Variants in TNRC18 observed in about 807,000 individuals in gnomAD.
TNRC18 encodes the protein trinucleotide repeat containing 18.
TNRC18 carries 69 observed loss-of-function variants against 226.7 expected under a neutral mutation model. That is an observed-to-expected ratio of 0.30 (90% CI 0.25 to 0.37). TNRC18 has a LOEUF of 0.37. TNRC18 is among the 10% of genes least tolerant of loss of function. The pLI is 1.00. For synonymous variants in TNRC18, 2,449 were observed against 1,927.6 expected (o/e 1.27, Z -7.09); for missense variants, 4,754 against 4,256.6 (o/e 1.12, Z -3.25).
rs1233216427 is a variant in TNRC18, at chr7:5,351,874, T to C, written c.5415A>G (p.Arg1805=). ...SRKQPFCLLL[R]EAEARSSFSD... ...TGAAGGAGGAACGCGCCTCGGCCTC[T>C]CGAAGCAGCAGACAAAACGGCTGCT... The change falls in exon 17 of 30, where the codon CGA becomes CGG. Residue 1805 remains arginine (R), a synonymous_variant. Transcript: ENST00000430969. 1.9e-6 allele frequency: 3 copies of C among 1,612,908 alleles called. No individual in the cohort carries two copies. In the African/African-American group the frequency reaches 4.0e-5, roughly 22 times the overall value.
chr7:5,363,603 C>T (rs1793308050), intron 11 of TNRC18, among the ~76,000 whole-genome samples: 1 of 151,898 alleles, frequency 6.6e-6, no homozygotes, highest in African/African-American at 2.4e-5. Context: ...GACTCCATCT[C>T]AATCAATCAA....
intron 11 of TNRC18, among the ~76,000 whole-genome samples, chr7:5,363,583 G>C (rs181258399): frequency 6.6e-6 from 1 of 151,978 alleles, no homozygotes; most frequent in Non-Finnish European, 1.5e-5. Context: ...CAGCCTGGGT[G>C]ACAGAGGGAG....
intron 13 of TNRC18, 53 bp from the exon 14 acceptor site, chr7:5,361,775 G>T (rs1313586503): frequency 6.5e-7 from 1 of 1,544,256 alleles, no homozygotes; most frequent in African/African-American, 1.4e-5. Context: ...GCGGGGCGCG[G>T]AGAACGGGCA....
At chr7:5,398,204 C>A (rs1486619703) in intron 2 of TNRC18, among the ~76,000 whole-genome samples, 2 of 151,458 alleles carry the variant, frequency 1.3e-5, no homozygotes, top group African/African-American at 4.9e-5. Flanking sequence ...GAGTTTCGCT[C>A]TTGTTGCCCA....
intron 16 of TNRC18, 24 bp downstream of exon 16, chr7:5,356,891 AG>A (rs1206312912): frequency 2.7e-6 from 4 of 1,503,006 alleles, no homozygotes; most frequent in Non-Finnish European, 3.6e-6. Context: ...AGCGGACCAG[AG>A]GTGGCGCGGC....
chr7:5,393,421 C>A (rs1780440520), intron 3 of TNRC18, among the ~76,000 whole-genome samples: 1 of 152,250 alleles, frequency 6.6e-6, no homozygotes, highest in Non-Finnish European at 1.5e-5. Flanking sequence ...CTAGAGACGC[C>A]TCTGGCTGAA....
Position 5,388,561 on chromosome 7 carries a change from G to A in TNRC18, c.1263C>T (p.Asp421=), listed in dbSNP as rs770040550. The change falls in exon 5 of 30, where the codon GAC becomes GAT. Residue 421 remains aspartate, a synonymous_variant. Coordinates refer to ENST00000430969, the MANE Select transcript of TNRC18 (RefSeq NM_001080495.3). ...QAPPGSPRPL[D]RPEGLREKNS... is the part of the protein sequence containing the mutation. ...TCTTCTCGCGCAGGCCCTCGGGCCG[G>A]TCCAGAGGCCGCGGGGAGCCGGGGG... 1.3e-4 allele frequency: 165 copies of A among 1,308,838 alleles called. 1 individual carries two copies. The South Asian group carries it at 2.8e-3, about 22-fold the overall frequency. 81.1% of individuals were successfully genotyped at this position (1,308,838 alleles called of 1,614,324 possible).
At chr7:5,380,081 G>A (rs1779293094) in intron 5 of TNRC18, among the ~76,000 whole-genome samples, 1 of 152,154 alleles carries the variant, frequency 6.6e-6, no homozygotes, top group African/African-American at 2.4e-5. Context: ...TAATGGGTGA[G>A]GAAACTTGGA....
At chr7:5,382,179 T>C (rs1779441640) in intron 5 of TNRC18, among the ~76,000 whole-genome samples, 1 of 152,000 alleles carries the variant, frequency 6.6e-6, no homozygotes, top group African/African-American at 2.4e-5. Context: ...CATGCCCAAG[T>C]CACAAGACTA....
In TNRC18 at chr7:5,388,275, T is replaced by C. The variant is rs1282855669; in HGVS notation, c.1549A>G (p.Asn517Asp). The C allele has an allele frequency of 6.4e-7, 1 of 1,554,934 alleles. No individual in the cohort carries two copies. The highest frequency in any genetic ancestry group is 1.7e-5 in the Admixed American group (1 of 58,246). ...ACGGCCATCTGCGTGGCGGCGAAGT[T>C]GCCCAGCTCGAAGGGTTTCCATTTA... ...EHKWKPFELG[N>D]FAATQMAVLA... Residue 517 changes from asparagine to aspartate, a missense_variant, in exon 5 of 30, where the codon AAC (asparagine) becomes GAC (aspartate). Asn to Asp is a conservative substitution (Grantham distance 23). Coordinates refer to ENST00000430969, the MANE Select transcript of TNRC18 (RefSeq NM_001080495.3).
At chr7:5,419,465 GCA>G (rs888193315) in intron 2 of TNRC18, among the ~76,000 whole-genome samples, 3 of 151,674 alleles carry the variant, frequency 2.0e-5, no homozygotes, top group African/African-American at 7.3e-5. Flanking sequence ...ACACACGCAT[GCA>G]CACACACACA....
At chr7:5,329,487 C>T (rs762703673) in intron 19 of TNRC18, among the ~76,000 whole-genome samples, 1 of 151,498 alleles carries the variant, frequency 6.6e-6, no homozygotes, top group Non-Finnish European at 1.5e-5. Flanking sequence ...AGTTCAAGAT[C>T]AGCCTGACCA....
chr7:5,336,104 T>G (rs567231125), intron 18 of TNRC18, among the ~76,000 whole-genome samples: 83 of 151,618 alleles, frequency 5.5e-4, no homozygotes, highest in Non-Finnish European at 1.0e-3. Context: ...CTACTTGGGA[T>G]GCTGAGGCAC....
chr7:5,345,517 G>GGGGGGGCCCCCCCCCCCCCCCCCCC, intron 18 of TNRC18, 45 bp downstream of exon 18: 7 of 377,742 alleles, frequency 1.9e-5, no homozygotes, highest in Non-Finnish European at 2.9e-5. Flanking sequence ...AATGGCGTCC[G>GGGGGGGCCCCCCCCCCCCCCCCCCC]CCCCTCCCAC....
Position 5,332,273 on chromosome 7 carries a change from C to T in TNRC18, c.6147+349G>A, listed in dbSNP as rs150627526. On this transcript the variant is annotated intron_variant, in intron 19 of 29. Transcript: ENST00000430969. ...GCAACATAGCGAGATCCCCTCTCTA[C>T]AAACAATAAATTAGCCAGGTGCAGT... Among the ~76,000 whole-genome samples the T allele has an allele frequency of 2.0e-3, 297 of 152,202 alleles. 4 individuals are homozygous for T. Among genetic ancestry groups the T allele is most frequent in the African/African-American group, 6.5e-3 (271 of 41,542 alleles).
intron 2 of TNRC18, among the ~76,000 whole-genome samples, chr7:5,403,771 C>A (rs887184771): frequency 3.3e-5 from 5 of 150,842 alleles, no homozygotes; most frequent in South Asian, 2.1e-4. Context: ...GCCTGGGCAA[C>A]AGAGTGAGAC....
At position 5,397,986 on chromosome 7, in the gene TNRC18, A is replaced by G. The variant is rs540216499; in HGVS notation, c.188-3391T>C. Among the ~76,000 whole-genome samples, 39 of 152,134 alleles carry G rather than the reference A, an allele frequency of 2.6e-4. No homozygotes were observed. The East Asian group carries it at 7.5e-3, about 29-fold the overall frequency. ...ACATACTTCTATTTGGGATTACCCA[A>G]TTGCACGAGTGTTGTTTCTTTTTTT... On this transcript the variant is annotated intron_variant, in intron 2 of 29. Transcript: ENST00000430969.
At chr7:5,409,333 T>G (rs1781690773) in intron 2 of TNRC18, among the ~76,000 whole-genome samples, 1 of 151,386 alleles carries the variant, frequency 6.6e-6, no homozygotes, top group Non-Finnish European at 1.5e-5. Flanking sequence ...AATGTATGCA[T>G]GAAACAAGAA....
At chr7:5,365,480 C>T (rs10269465) in intron 11 of TNRC18, among the ~76,000 whole-genome samples, 5,669 of 152,034 alleles carry the variant, frequency 0.037, 332 homozygotes, top group African/African-American at 0.13. Context: ...AGAGCCTCAC[C>T]AGTGTGATGA....
Sources: gnomAD v4.1 joint callset for allele counts (sites outside exome capture counted in the v4.1 genomes callset) on GRCh38, gnomAD v4.1.1 for gene constraint, MANE v1.5 for transcripts, NCBI Gene and HGNC (gene_info 2026-07-23, HGNC 2026-07-21) for gene names.